HS3ST2: variants seen among roughly 807,000 people sequenced by gnomAD.
The protein encoded by HS3ST2 is heparan sulfate glucosamine 3-O-sulfotransferase 2.
HS3ST2 carries 17 observed loss-of-function variants against 26.3 expected under a neutral mutation model. The ratio of observed to expected loss-of-function variants is 0.65; its 90% confidence interval spans 0.44 to 0.97. The LOEUF (loss-of-function observed/expected upper bound fraction) is 0.97, where lower values mean the gene tolerates loss of function less well. Ranked by LOEUF, HS3ST2 falls within the 50% of genes least tolerant of loss-of-function variation. The pLI is 0.00. For synonymous variants in HS3ST2, 237 were observed against 219.2 expected (o/e 1.08, Z -0.72); for missense variants, 402 against 501.2 (o/e 0.80, Z 1.89).
At position 22,846,927 on chromosome 16, in the gene HS3ST2, A is replaced by G. The variant is rs575549814; in HGVS notation, c.485+31832A>G. On this transcript the variant is annotated intron_variant, in intron 1 of 1. Coordinates refer to ENST00000261374, the MANE Select transcript of HS3ST2 (RefSeq NM_006043.2). ...GGGATACACAGCGTGGAGTTCCTCTACAGTGCTGAGAATCAGTAAATGTGA... is the reference window on the plus strand; with the variant it reads ...GGGATACACAGCGTGGAGTTCCTCTGCAGTGCTGAGAATCAGTAAATGTGA... Among the ~76,000 whole-genome samples the G allele has an allele frequency of 3.3e-5, 5 of 152,230 alleles. No individual in the cohort carries two copies. The South Asian group carries it at 6.2e-4, about 19-fold the overall frequency.
chr16:22,898,151 G>A (rs949951869), intron 1 of HS3ST2, among the ~76,000 whole-genome samples: 11 of 152,280 alleles, frequency 7.2e-5, no homozygotes, highest in African/African-American at 2.6e-4. Context: ...TGCCTATGAT[G>A]GCATGGCACA....
intron 1 of HS3ST2, among the ~76,000 whole-genome samples, chr16:22,841,947 C>T (rs991154454): frequency 3.9e-5 from 6 of 151,938 alleles, no homozygotes; most frequent in Non-Finnish European, 8.8e-5. Context: ...CTGAACTTTC[C>T]TATTGCTGTT....
chr16:22,897,162 C>A (rs1483988991), intron 1 of HS3ST2, among the ~76,000 whole-genome samples: 1 of 152,228 alleles, frequency 6.6e-6, no homozygotes, highest in Non-Finnish European at 1.5e-5. Context: ...CAAATGTCCC[C>A]CAGGTTTTCT....
intron 1 of HS3ST2, among the ~76,000 whole-genome samples, chr16:22,908,830 T>C (rs1902386917): frequency 6.6e-6 from 1 of 152,114 alleles, no homozygotes; most frequent in Non-Finnish European, 1.5e-5. Flanking sequence ...TCAACATGAG[T>C]TTTGGAGGGG....
At chr16:22,883,341 C>T (rs918005215) in intron 1 of HS3ST2, among the ~76,000 whole-genome samples, 2 of 152,152 alleles carry the variant, frequency 1.3e-5, no homozygotes, top group African/African-American at 4.8e-5. Context: ...ATTGGAGAGG[C>T]CAGAATGGCA....
chr16:22,824,003 T>C lies in HS3ST2; in HGVS notation c.485+8908T>C, dbSNP rs62048138. On this transcript the variant is annotated intron_variant, in intron 1 of 1. Coordinates refer to ENST00000261374, the MANE Select transcript of HS3ST2 (RefSeq NM_006043.2). ...CAATGGATTTCTTCATTATTCTTAC[T>C]GGTGGAAAGTCAGCAGTATTCTCCA... Among the ~76,000 whole-genome samples the C allele has an allele frequency of 4.0e-3, 613 of 152,364 alleles. 4 individuals are homozygous for C. Among genetic ancestry groups the C allele is most frequent in the Middle Eastern group, 0.014 (4 of 294 alleles).
At chr16:22,879,666 G>T (rs561804155) in intron 1 of HS3ST2, among the ~76,000 whole-genome samples, 1 of 152,306 alleles carries the variant, frequency 6.6e-6, no homozygotes, top group East Asian at 1.9e-4. Context: ...GTTCCTGGCA[G>T]CATTAATGCG....
intron 1 of HS3ST2, among the ~76,000 whole-genome samples, chr16:22,831,934 A>G (rs765456557): frequency 6.6e-6 from 1 of 152,146 alleles, no homozygotes; most frequent in Non-Finnish European, 1.5e-5. Context: ...AGTGAATACC[A>G]ATAAAAAGAT....
At chr16:22,904,296 A>G (rs774513375) in intron 1 of HS3ST2, among the ~76,000 whole-genome samples, 8 of 152,214 alleles carry the variant, frequency 5.3e-5, no homozygotes, top group Non-Finnish European at 1.2e-4. Context: ...CTGTATCCCC[A>G]GCATACAGTA....
intron 1 of HS3ST2, among the ~76,000 whole-genome samples, chr16:22,857,344 C>T (rs1024414048): frequency 6.6e-6 from 1 of 152,122 alleles, no homozygotes; most frequent in Non-Finnish European, 1.5e-5. Context: ...AAGCTAGAGG[C>T]CTTTTGATTA....
At chr16:22,842,482 G>A (rs1365849299) in intron 1 of HS3ST2, among the ~76,000 whole-genome samples, 2 of 152,114 alleles carry the variant, frequency 1.3e-5, no homozygotes, top group Admixed American at 6.5e-5. Context: ...AGATCTCAAA[G>A]GTATTCCTCT....
intron 1 of HS3ST2, among the ~76,000 whole-genome samples, chr16:22,829,327 G>A (rs1481065507): frequency 2.0e-5 from 3 of 152,092 alleles, no homozygotes; most frequent in Admixed American, 1.3e-4. Context: ...AGAATAGGTG[G>A]GGATTTGTCC....
At chr16:22,901,964 T>C (rs544630479) in intron 1 of HS3ST2, among the ~76,000 whole-genome samples, 2 of 152,288 alleles carry the variant, frequency 1.3e-5, no homozygotes, top group South Asian at 2.1e-4. Flanking sequence ...TGCAAAAAGC[T>C]AAAGGTGAAA....
intron 1 of HS3ST2, among the ~76,000 whole-genome samples, chr16:22,869,891 G>T (rs562351188): frequency 2.0e-5 from 3 of 152,204 alleles, no homozygotes; most frequent in Non-Finnish European, 4.4e-5. Flanking sequence ...CAGGTTGAAG[G>T]CAAAGCCTCA....
intron 1 of HS3ST2, among the ~76,000 whole-genome samples, chr16:22,851,445 A>G (rs1901516966): frequency 6.6e-6 from 1 of 152,242 alleles, no homozygotes; most frequent in African/African-American, 2.4e-5. Context: ...TGGCAAAACT[A>G]GAATTAGAAC....
intron 1 of HS3ST2, among the ~76,000 whole-genome samples, chr16:22,830,714 C>A (rs1901156359): frequency 6.6e-6 from 1 of 152,202 alleles, no homozygotes; most frequent in Non-Finnish European, 1.5e-5. Context: ...CTGTCTACAA[C>A]CTCCCCAATC....
At chr16:22,835,735 A>G (rs184435987) in intron 1 of HS3ST2, among the ~76,000 whole-genome samples, 4 of 152,326 alleles carry the variant, frequency 2.6e-5, no homozygotes, top group Non-Finnish European at 1.5e-5. Context: ...CAGGTAAAAG[A>G]TAAATTTCAA....
intron 1 of HS3ST2, among the ~76,000 whole-genome samples, chr16:22,868,758 C>T (rs1567492397): frequency 6.6e-6 from 1 of 152,072 alleles, no homozygotes; most frequent in Non-Finnish European, 1.5e-5. Flanking sequence ...GAGCTGGGGG[C>T]GCCTGTTTAA....
chr16:22,826,791 G>A (rs1901092967), intron 1 of HS3ST2, among the ~76,000 whole-genome samples: 1 of 152,186 alleles, frequency 6.6e-6, no homozygotes, highest in African/African-American at 2.4e-5. Flanking sequence ...AGATGCAGGT[G>A]ACTCAGTCAT....
Sources: allele counts gnomAD v4.1 joint callset (sites outside exome capture counted in the v4.1 genomes callset), GRCh38; gene constraint gnomAD v4.1.1; transcripts MANE v1.5; gene names NCBI Gene and HGNC (gene_info 2026-07-23, HGNC 2026-07-21).